KLHL32: variants seen among roughly 807,000 people sequenced by gnomAD.
The protein encoded by KLHL32 is kelch-like protein 32.
Under a neutral mutation model 64.8 loss-of-function variants are expected in KLHL32, and 35 were observed. The ratio of observed to expected loss-of-function variants is 0.54; its 90% CI spans 0.41 to 0.72. KLHL32 has a LOEUF of 0.72. KLHL32 is among the 30% of genes least tolerant of loss of function. KLHL32 has a pLI of 0.00. For synonymous variants in KLHL32, 259 were observed against 281.0 expected (o/e 0.92, Z 0.78); for missense variants, 589 against 768.5 (o/e 0.77, Z 2.76).
chr6:97,088,149 T>A (rs979174409), intron 6 of KLHL32, among the ~76,000 whole-genome samples: 7 of 152,148 alleles, frequency 4.6e-5, no homozygotes, highest in African/African-American at 1.7e-4. Context: ...ACATAGAGAG[T>A]TGTTCACATA....
chr6:97,093,860 A>G (rs1373026073), intron 6 of KLHL32, among the ~76,000 whole-genome samples: 1 of 152,202 alleles, frequency 6.6e-6, no homozygotes, highest in East Asian at 1.9e-4. Context: ...TCTGACCAAG[A>G]GACATAAATT....
At chr6:97,030,090 A>T (rs148797180) in intron 3 of KLHL32, among the ~76,000 whole-genome samples, 1 of 152,296 alleles carries the variant, frequency 6.6e-6, no homozygotes, top group Non-Finnish European at 1.5e-5. Flanking sequence ...CACCTGTAAG[A>T]TTATTTGTAT....
chr6:97,107,441 T>G (rs1306305312), intron 6 of KLHL32, among the ~76,000 whole-genome samples: 1 of 152,242 alleles, frequency 6.6e-6, no homozygotes, highest in Admixed American at 6.5e-5. Context: ...GCTTTTCTGC[T>G]AATTCATTGT....
At chr6:97,110,344 C>T (rs1019105248) in intron 6 of KLHL32, among the ~76,000 whole-genome samples, 4 of 152,144 alleles carry the variant, frequency 2.6e-5, no homozygotes, top group African/African-American at 9.7e-5. Context: ...GCGACATTTC[C>T]TTTTTCATTT....
At chr6:96,920,734 T>C (rs1177751733), upstream of KLHL32, among the ~76,000 whole-genome samples, 1 of 152,164 alleles carries the variant, frequency 6.6e-6, no homozygotes, top group Non-Finnish European at 1.5e-5. Context: ...CTACTTGGTA[T>C]CTTCATAATT....
intron 3 of KLHL32, among the ~76,000 whole-genome samples, chr6:96,986,888 C>T (rs1777165856): frequency 1.3e-5 from 2 of 152,202 alleles, no homozygotes; most frequent in Admixed American, 6.5e-5. Context: ...CCTGCACCCA[C>T]TTCCTGACAC....
At chr6:97,009,837 T>G (rs1212646942) in intron 3 of KLHL32, among the ~76,000 whole-genome samples, 1 of 152,046 alleles carries the variant, frequency 6.6e-6, no homozygotes, top group African/African-American at 2.4e-5. Context: ...AAAAAATGTA[T>G]GTGGAGATTA....
intron 7 of KLHL32, among the ~76,000 whole-genome samples, chr6:97,123,656 T>C (rs1798592499): frequency 1.3e-5 from 2 of 152,204 alleles, no homozygotes; most frequent in Non-Finnish European, 2.9e-5. Flanking sequence ...TAATGACAGA[T>C]GTATCTATAG....
chr6:96,932,205 A>G (rs9487574), intron 1 of KLHL32, among the ~76,000 whole-genome samples: 1 of 104,494 alleles, frequency 9.6e-6, no homozygotes, highest in Non-Finnish European at 2.2e-5. Context: ...TGACTGGGTT[A>G]TTTTTTTTTT....
intron 3 of KLHL32, among the ~76,000 whole-genome samples, chr6:97,034,510 A>G (rs1354823475): frequency 1.3e-5 from 2 of 151,846 alleles, no homozygotes; most frequent in African/African-American, 4.8e-5. Context: ...TTGTGGTTTC[A>G]TTTGATTTTA....
chr6:96,981,442 C>A (rs1018239295), intron 3 of KLHL32, among the ~76,000 whole-genome samples: 2 of 151,898 alleles, frequency 1.3e-5, no homozygotes, highest in South Asian at 2.1e-4. Flanking sequence ...GATTTTCTGT[C>A]TTTCTTTTAT....
intron 3 of KLHL32, among the ~76,000 whole-genome samples, chr6:96,983,054 A>C: frequency 6.6e-6 from 1 of 152,252 alleles, no homozygotes; most frequent in African/African-American, 2.4e-5. Context: ...GATACGTCCC[A>C]TCAATACCTA....
the KLHL32 span, among the ~76,000 whole-genome samples, chr6:96,916,853 T>C: frequency 4.9e-4 from 75 of 152,166 alleles, no homozygotes; most frequent in South Asian, 5.8e-3. Flanking sequence ...TATAGTGCTA[T>C]TTTTTTGGTG....
chr6:97,080,755 T>A (rs1792374675), intron 5 of KLHL32, among the ~76,000 whole-genome samples: 1 of 152,100 alleles, frequency 6.6e-6, no homozygotes, highest in Non-Finnish European at 1.5e-5. Flanking sequence ...TACTGGGGGA[T>A]CAGGGGAGGA....
chr6:96,921,899 T>C (rs1182634627), upstream of KLHL32, among the ~76,000 whole-genome samples: 1 of 152,192 alleles, frequency 6.6e-6, no homozygotes, highest in Non-Finnish European at 1.5e-5. Context: ...CAGAAACTTG[T>C]GTTCCAAGAT....
chr6:96,992,793 C>G (rs969450781), intron 3 of KLHL32, among the ~76,000 whole-genome samples: 3 of 152,192 alleles, frequency 2.0e-5, no homozygotes, highest in Non-Finnish European at 4.4e-5. Flanking sequence ...TTGCATTTTG[C>G]AGGTGTGGGA....
intron 3 of KLHL32, among the ~76,000 whole-genome samples, chr6:97,000,106 G>A (rs1269447938): frequency 6.6e-6 from 1 of 152,162 alleles, no homozygotes; most frequent in Admixed American, 6.5e-5. Context: ...CATAAGCAAA[G>A]TGTACATTTT....
At chr6:96,899,924 T>A in the KLHL32 span, among the ~76,000 whole-genome samples, 1 of 152,208 alleles carries the variant, frequency 6.6e-6, no homozygotes, top group East Asian at 1.9e-4. Context: ...CTTAAGATAC[T>A]AATAAACCCA....
the KLHL32 span, among the ~76,000 whole-genome samples, chr6:96,918,841 T>C: frequency 1.3e-5 from 2 of 152,278 alleles, no homozygotes; most frequent in Non-Finnish European, 2.9e-5. Context: ...CAGGAGAGGA[T>C]ATAGTAAAAG....
Sources: gnomAD v4.1 joint callset for allele counts (sites outside exome capture counted in the v4.1 genomes callset) on GRCh38, gnomAD v4.1.1 for gene constraint, MANE v1.5 for transcripts, NCBI Gene and HGNC (gene_info 2026-07-23, HGNC 2026-07-21) for gene names.